FCGR2A: variants seen among roughly 807,000 people sequenced by gnomAD.
FCGR2A encodes the protein low affinity immunoglobulin gamma Fc region receptor II-a.
In FCGR2A, 18 loss-of-function variants were observed where a neutral mutation model predicts 29.3. The observed-to-expected ratio is 0.62, with a 90% CI of 0.43 to 0.91. The LOEUF (loss-of-function observed/expected upper bound fraction) is 0.91. FCGR2A is among the 40% of genes least tolerant of loss of function. FCGR2A has a pLI of 0.00. For synonymous variants in FCGR2A, 126 were observed against 144.8 expected, an observed-to-expected ratio of 0.87 and a Z score of 0.93; for missense variants, 287 against 393.0, an observed-to-expected ratio of 0.73 and a Z score of 2.28.
downstream of FCGR2A, among the ~76,000 whole-genome samples, chr1:161,521,931 CT>C (rs1476185001): frequency 3.9e-5 from 6 of 152,040 alleles, no homozygotes; most frequent in African/African-American, 1.4e-4. Flanking sequence ...GAGTCGTGAG[CT>C]TTGCACCACA....
chr1:161,515,112 T>C (rs1676066644), intron 6 of FCGR2A, among the ~76,000 whole-genome samples: 1 of 152,298 alleles, frequency 6.6e-6, no homozygotes, highest in Admixed American at 6.5e-5. Context: ...AAGGGATGCA[T>C]TGGGAAAAAA....
At chr1:161,510,193 C>T in intron 4 of FCGR2A, 119 bp downstream of exon 4, 1 of 1,528,886 alleles carries the variant, frequency 6.5e-7, no homozygotes, top group South Asian at 1.3e-5. Context: ...GGCACTGGAG[C>T]AAAGAGGAGT....
Position 161,509,700 on chromosome 1 carries a change from G to A in FCGR2A, c.365-120G>A, listed in dbSNP as rs181330030. On this transcript the variant is annotated intron_variant, in intron 3 of 6. Coordinates refer to ENST00000271450, the MANE Select transcript of FCGR2A (RefSeq NM_001136219.3). ...AGAGAATGCTCACATCTGTCATGAA[G>A]CATCTTCATTTCTGTCTGCCAGACA... 2.2e-4 allele frequency: 290 copies of A among 1,299,168 alleles called. 2 individuals carry two copies. In the African/African-American group the frequency reaches 3.8e-3, roughly 17 times the overall value. 80.5% of individuals were successfully genotyped at this position (1,299,168 alleles called of 1,614,324 possible).
At chr1:161,510,106 G>A (rs1675670987) in intron 4 of FCGR2A, 32 bp downstream of exon 4, 2 of 1,610,988 alleles carry the variant, frequency 1.2e-6, no homozygotes, top group South Asian at 1.1e-5. Context: ...GTAGGGAGGG[G>A]AGAAGAGGGG....
intron 3 of FCGR2A, among the ~76,000 whole-genome samples, chr1:161,508,325 A>AT (rs1191938845): frequency 6.6e-6 from 1 of 151,434 alleles, no homozygotes; most frequent in African/African-American, 2.4e-5. Flanking sequence ...ACAGTGGCTC[A>AT]TGCCTGTAAT....
At chr1:161,515,436 G>A (rs577779589) in intron 6 of FCGR2A, among the ~76,000 whole-genome samples, 1 of 152,068 alleles carries the variant, frequency 6.6e-6, no homozygotes, top group South Asian at 2.1e-4. Context: ...AAAACTAATT[G>A]GAAATAGGCC....
At chr1:161,516,762 G>A (rs1159082099) in intron 6 of FCGR2A, among the ~76,000 whole-genome samples, 1 of 145,854 alleles carries the variant, frequency 6.9e-6, no homozygotes, top group Non-Finnish European at 1.5e-5. Context: ...CATTTTCTTT[G>A]AAGTTTTATT....
downstream of FCGR2A, among the ~76,000 whole-genome samples, chr1:161,521,646 TC>T (rs1431611510): frequency 1.3e-5 from 2 of 152,046 alleles, no homozygotes; most frequent in Non-Finnish European, 2.9e-5. Flanking sequence ...GGCAGGTCTT[TC>T]CCATGCTGTT....
chr1:161,516,417 G>C (rs1222255906), intron 6 of FCGR2A, among the ~76,000 whole-genome samples: 1 of 151,902 alleles, frequency 6.6e-6, no homozygotes, highest in Non-Finnish European at 1.5e-5. Flanking sequence ...CAAGTCCTTG[G>C]CTTGGCTTCT....
chr1:161,511,325 G>A (rs34616101), intron 5 of FCGR2A, among the ~76,000 whole-genome samples: 2 of 152,134 alleles, frequency 1.3e-5, no homozygotes, highest in African/African-American at 2.4e-5. Flanking sequence ...GCTTATATGA[G>A]GGGGGAGTAG....
intron 5 of FCGR2A, among the ~76,000 whole-genome samples, chr1:161,512,113 G>A (rs757218913): frequency 2.6e-5 from 4 of 152,120 alleles, no homozygotes; most frequent in African/African-American, 4.8e-5. Context: ...CAAGAAATCA[G>A]AGATACTTTG....
Position 161,506,240 on chromosome 1 carries a change from C to T in FCGR2A, c.107-94C>T, listed in dbSNP as rs1675380347. On this transcript the variant is annotated intron_variant, in intron 2 of 6. Coordinates refer to ENST00000271450, the MANE Select transcript of FCGR2A (RefSeq NM_001136219.3). ...ATCTTGAACTACATCTACAATAGGA[C>T]TCTTGGGTGCCTGACCTCCCTTGGG... 2.0e-6 allele frequency: 3 copies of T among 1,516,344 alleles called. No individual in the cohort carries two copies. In the Admixed American group the frequency reaches 5.3e-5, roughly 27 times the overall value. The allele number at this position is 1,516,344 out of a possible 1,614,324, so 93.9% of individuals were successfully genotyped here.
At chr1:161,505,895 C>T in intron 1 of FCGR2A, 92 bp from the exon 2 acceptor site, 1 of 1,288,366 alleles carries the variant, frequency 7.8e-7, no homozygotes, top group African/African-American at 1.5e-5. Flanking sequence ...AAGGAAGAGC[C>T]CAAGCTCACC....
At chr1:161,511,638 G>C (rs1292363515) in intron 5 of FCGR2A, among the ~76,000 whole-genome samples, 4 of 152,156 alleles carry the variant, frequency 2.6e-5, no homozygotes, top group Admixed American at 2.0e-4. Flanking sequence ...ACTGGGGGTG[G>C]GAGGACAGGA....
chr1:161,506,034 T>C (rs746289085), intron 2 of FCGR2A, 27 bp downstream of exon 2: 12 of 1,608,742 alleles, frequency 7.5e-6, no homozygotes, highest in African/African-American at 2.7e-5. Context: ...CTTCCTTGTA[T>C]TGACAGTGTT....
At chr1:161,506,090 T>C (rs1571956673) in intron 2 of FCGR2A, 83 bp downstream of exon 2, 2 of 1,422,812 alleles carry the variant, frequency 1.4e-6, no homozygotes, top group East Asian at 2.3e-5. Context: ...GGCGGGGGGG[T>C]ATGTCTATTC....
At chr1:161,521,857 T>C (rs1676464818), downstream of FCGR2A, among the ~76,000 whole-genome samples, 1 of 152,134 alleles carries the variant, frequency 6.6e-6, no homozygotes, top group Admixed American at 6.6e-5. Context: ...CTCAGGTATG[T>C]CTTTATTAGC....
chr1:161,506,802 G>A (rs1375870655), intron 3 of FCGR2A: 26 of 1,034,328 alleles, frequency 2.5e-5, no homozygotes, highest in Non-Finnish European at 3.1e-5. Context: ...CTCAGCATGT[G>A]TTAGGTTGTT....
At chr1:161,521,718 A>G (rs2102496725), downstream of FCGR2A, among the ~76,000 whole-genome samples, 1 of 152,116 alleles carries the variant, frequency 6.6e-6, no homozygotes, top group East Asian at 1.9e-4. Context: ...GTTTCCCTGC[A>G]CAAGCTCTCT....
Sources: allele counts gnomAD v4.1 joint callset (sites outside exome capture counted in the v4.1 genomes callset), GRCh38; gene constraint gnomAD v4.1.1; transcripts MANE v1.5; gene names NCBI Gene and HGNC (gene_info 2026-07-23, HGNC 2026-07-21).